Variants in TACR3 observed in about 807,000 individuals in gnomAD.
TACR3 encodes tachykinin receptor 3, also known as neuromedin-K receptor.
Under a neutral mutation model 35.0 loss-of-function variants are expected in TACR3, and 34 were observed. The observed-to-expected ratio is 0.97, with a 90% CI of 0.74 to 1.30. The LOEUF (loss-of-function observed/expected upper bound fraction) is 1.30. Ranked by LOEUF, TACR3 falls within the 50% of genes most tolerant of loss-of-function variation. The pLI is 0.00. For synonymous variants in TACR3, 233 were observed against 221.1 expected (o/e 1.05, Z -0.48); for missense variants, 558 against 591.7 (o/e 0.94, Z 0.59).
rs191903099 is a variant in TACR3, at chr4:103,597,614, C to A, written c.889-5931G>T. ...TGCTATCCCTCCCCCGTCCCCCCAC[C>A]CCACAAGAGTCCCCAGTGTGTGATG... On this transcript the variant is annotated intron_variant, in intron 3 of 4. Coordinates refer to ENST00000304883, the MANE Select transcript of TACR3 (RefSeq NM_001059.3). 7.2e-3 allele frequency among the ~76,000 whole-genome samples: 1,101 copies of A among 151,956 alleles called. 17 individuals are homozygous for A. The highest frequency in any genetic ancestry group is 0.026 in the African/African-American group (1,058 of 41,400).
intron 3 of TACR3, among the ~76,000 whole-genome samples, chr4:103,637,118 A>G (rs1460938032): frequency 7.2e-5 from 11 of 151,986 alleles, no homozygotes; most frequent in Non-Finnish European, 1.5e-4. Context: ...TACCAAAGCC[A>G]GGCAGAGACA....
intron 1 of TACR3, among the ~76,000 whole-genome samples, chr4:103,665,639 A>G (rs1296294372): frequency 6.6e-6 from 1 of 152,150 alleles, no homozygotes; most frequent in Non-Finnish European, 1.5e-5. Context: ...GAAGAAATAT[A>G]TTACTCAAGT....
chr4:103,588,579 A>G lies in TACR3; in HGVS notation c.*1103T>C, dbSNP rs1025211115. ...CTTTCTGTGGAAGGATGTGTGTTAA[A>G]CTCACCCTCTTGCTCAGCTGTTATT... On this transcript the variant is annotated 3_prime_UTR_variant, in exon 5 of 5. Coordinates refer to ENST00000304883, the MANE Select transcript of TACR3 (RefSeq NM_001059.3). 6.6e-6 allele frequency: 1 copy of G among 151,918 alleles called. No individual in the cohort carries two copies. Among genetic ancestry groups the G allele is most frequent in the African/African-American group, 2.4e-5 (1 of 41,326 alleles). The allele number at this position is 151,918 out of a possible 1,614,324, so 9.4% of individuals were successfully genotyped here.
chr4:103,700,778 A>G (rs1193382390), intron 1 of TACR3, among the ~76,000 whole-genome samples: 2 of 152,236 alleles, frequency 1.3e-5, no homozygotes, highest in Non-Finnish European at 2.9e-5. Flanking sequence ...TCCAGCGTAT[A>G]AACAGAACCA....
chr4:103,718,834 G>A (rs1024596753), intron 1 of TACR3, among the ~76,000 whole-genome samples: 1 of 152,150 alleles, frequency 6.6e-6, no homozygotes, highest in African/African-American at 2.4e-5. Context: ...AGCTAAGTTT[G>A]CCCTACTTGG....
intron 1 of TACR3, among the ~76,000 whole-genome samples, chr4:103,715,981 A>G (rs1723080868): frequency 6.6e-6 from 1 of 152,176 alleles, no homozygotes; most frequent in Admixed American, 6.5e-5. Context: ...GACTTTGTCT[A>G]ATCAAACCCT....
Position 103,586,817 on chromosome 4 carries a change from A to G in TACR3, c.*2865T>C, listed in dbSNP as rs566027459. 4 of 152,256 alleles carry G rather than the reference A, an allele frequency of 2.6e-5. No individual in the cohort carries two copies. The highest frequency in any genetic ancestry group is 3.9e-4 in the East Asian group (2 of 5,190). 9.4% of individuals were successfully genotyped at this position (152,256 alleles called of 1,614,324 possible). Reference sequence around the variant, plus strand: ...ATTATGTCCGCTTTAATATTTTCCCATACAGGTAATTTCAATATCTTGTAC... The same window carrying G: ...ATTATGTCCGCTTTAATATTTTCCCGTACAGGTAATTTCAATATCTTGTAC... On this transcript the variant is annotated 3_prime_UTR_variant, in exon 5 of 5. Transcript: ENST00000304883.
At chr4:103,687,926 G>C (rs1722288809) in intron 1 of TACR3, among the ~76,000 whole-genome samples, 1 of 152,092 alleles carries the variant, frequency 6.6e-6, no homozygotes, top group South Asian at 2.1e-4. Context: ...CCAAAAAAGA[G>C]CCCGCATCGC....
chr4:103,607,708 G>A (rs1341925466), intron 3 of TACR3, among the ~76,000 whole-genome samples: 1 of 152,078 alleles, frequency 6.6e-6, no homozygotes, highest in African/African-American at 2.4e-5. Context: ...CCATGGGAAT[G>A]AATGAAATTA....
intron 1 of TACR3, among the ~76,000 whole-genome samples, chr4:103,677,958 G>C (rs1399029152): frequency 6.6e-6 from 1 of 151,920 alleles, no homozygotes; most frequent in Non-Finnish European, 1.5e-5. Context: ...GCCAAATTCT[G>C]ATATGAGGAT....
intron 1 of TACR3, among the ~76,000 whole-genome samples, chr4:103,690,213 A>G (rs1427111911): frequency 1.3e-5 from 2 of 152,174 alleles, no homozygotes; most frequent in Non-Finnish European, 2.9e-5. Context: ...GCAACATCAA[A>G]TGGTTCCTCA....
chr4:103,691,458 G>A (rs1465581796), intron 1 of TACR3, among the ~76,000 whole-genome samples: 1 of 152,164 alleles, frequency 6.6e-6, no homozygotes. Context: ...GGAAGAGGCT[G>A]TGAATACAAA....
chr4:103,623,709 C>T (rs1252781639), intron 3 of TACR3, among the ~76,000 whole-genome samples: 1 of 152,056 alleles, frequency 6.6e-6, no homozygotes, highest in Non-Finnish European at 1.5e-5. Context: ...TACAAGTGAT[C>T]CCTAAATAAA....
intron 1 of TACR3, among the ~76,000 whole-genome samples, chr4:103,690,435 A>C (rs1722377106): frequency 6.6e-6 from 1 of 152,152 alleles, no homozygotes. Context: ...CATTAGAAAG[A>C]GATACAGACA....
intron 1 of TACR3, among the ~76,000 whole-genome samples, chr4:103,707,646 CAGTG>C (rs960694134): frequency 6.6e-6 from 1 of 151,628 alleles, no homozygotes; most frequent in Non-Finnish European, 1.5e-5. Flanking sequence ...GTTTGTCAGA[CAGTG>C]GGTACAGGAC....
chr4:103,698,102 T>G (rs1438697740), intron 1 of TACR3, among the ~76,000 whole-genome samples: 2 of 152,214 alleles, frequency 1.3e-5, no homozygotes, highest in African/African-American at 4.8e-5. Context: ...GGAAGATATA[T>G]TTAACTTATA....
At chr4:103,603,439 C>G (rs1407495866) in intron 3 of TACR3, among the ~76,000 whole-genome samples, 1 of 152,240 alleles carries the variant, frequency 6.6e-6, no homozygotes, top group East Asian at 1.9e-4. Context: ...GTGAGATGAA[C>G]CCGGTACCTC....
rs527698386 is a variant in TACR3, at chr4:103,719,305, AG to A, written c.370del (p.Val125Ter). ...KRMRTVTNYF[L>X]VNLAFSDASM... ...GGCGTCGGAGAAAGCCAGGTTCACA[AG>A]GAAGTAGTTGGTGACAGTCCTCATG... On this transcript the variant is annotated frameshift_variant, in exon 1 of 5. Coordinates refer to ENST00000304883, the MANE Select transcript of TACR3 (RefSeq NM_001059.3). LOFTEE classifies it high-confidence loss of function. The A allele has an allele frequency of 1.9e-6, 3 of 1,614,122 alleles. No individual in the cohort carries two copies. Among genetic ancestry groups the A allele is most frequent in the Non-Finnish European group, 2.5e-6 (3 of 1,180,046 alleles).
intron 1 of TACR3, among the ~76,000 whole-genome samples, chr4:103,697,537 G>A (rs1266075587): frequency 6.6e-6 from 1 of 151,886 alleles, no homozygotes; most frequent in Admixed American, 6.6e-5. Flanking sequence ...CCATTCTCCT[G>A]CCTCAGCCTC....
Sources: allele counts gnomAD v4.1 joint callset (sites outside exome capture counted in the v4.1 genomes callset), GRCh38; gene constraint gnomAD v4.1.1; transcripts MANE v1.5; gene names NCBI Gene and HGNC (gene_info 2026-07-23, HGNC 2026-07-21).